Variants in GULP1 observed in about 807,000 individuals in gnomAD.
The protein encoded by GULP1 is GULP PTB domain containing engulfment adaptor 1, also known as PTB domain-containing engulfment adapter protein 1.
In GULP1, 19 loss-of-function variants were observed where a neutral mutation model predicts 40.9. That is an observed-to-expected ratio of 0.46 (90% CI 0.32 to 0.68). The LOEUF (loss-of-function observed/expected upper bound fraction) is 0.68, where lower values mean the gene tolerates loss of function less well. GULP1 is among the 30% of genes least tolerant of loss of function. GULP1 has a pLI of 0.03. For missense variants in GULP1, 312 were observed against 362.2 expected (o/e 0.86, Z 1.12); for synonymous variants, 119 against 117.6 (o/e 1.01, Z -0.08).
In GULP1 at chr2:188,593,999, C is replaced by T. The variant is rs1310124262; in HGVS notation, c.903C>T (p.Asp301=). The part of the protein sequence containing the change: ...EGTVFCLDPL[D]SRC ...CAGTATTTTGTCTCGACCCGTTAGA[C>T]AGTAGGTGCTGACATCAAGAACAAG... Residue 301 remains aspartate, a synonymous_variant, in exon 12 of 12, where the codon GAC becomes GAT. Coordinates refer to ENST00000409830, the MANE Select transcript of GULP1 (RefSeq NM_016315.4). The T allele has an allele frequency of 1.3e-6, 2 of 1,584,308 alleles. No individual in the cohort carries two copies. Among genetic ancestry groups the T allele is most frequent in the Admixed American group, 1.7e-5 (1 of 59,798 alleles).
chr2:188,466,147 A>G (rs1246359454), intron 2 of GULP1, among the ~76,000 whole-genome samples: 1 of 151,956 alleles, frequency 6.6e-6, no homozygotes, highest in African/African-American at 2.4e-5. Context: ...ATGTTCTGCA[A>G]CTCATGGCCA....
intron 2 of GULP1, among the ~76,000 whole-genome samples, chr2:188,449,081 A>T (rs1262995384): frequency 2.0e-5 from 3 of 152,184 alleles, no homozygotes; most frequent in Non-Finnish European, 4.4e-5. Flanking sequence ...AAACACAGAA[A>T]ATATGTGAAA....
At chr2:188,311,225 C>T (rs2038041585) in intron 1 of GULP1, among the ~76,000 whole-genome samples, 3 of 151,512 alleles carry the variant, frequency 2.0e-5, no homozygotes, top group African/African-American at 7.3e-5. Flanking sequence ...GAGTCGGAGT[C>T]TCGCTCTGTT....
At chr2:188,569,439 C>A in intron 8 of GULP1, 84 bp downstream of exon 8, 1 of 799,270 alleles carries the variant, frequency 1.3e-6, no homozygotes. Flanking sequence ...TTTAGAAGCC[C>A]TGCCATTAAA....
At chr2:188,547,788 G>C (rs1298474992) in intron 7 of GULP1, among the ~76,000 whole-genome samples, 1 of 152,006 alleles carries the variant, frequency 6.6e-6, no homozygotes, top group African/African-American at 2.4e-5. Flanking sequence ...TATATGCAAA[G>C]GTTAAGAGTA....
chr2:188,485,761 C>G (rs753162389), intron 4 of GULP1, among the ~76,000 whole-genome samples: 2 of 151,982 alleles, frequency 1.3e-5, no homozygotes, highest in Non-Finnish European at 2.9e-5. Context: ...TAATTTCTCA[C>G]TTGAGTTGTT....
At chr2:188,298,391 A>C (rs6434276) in intron 1 of GULP1, among the ~76,000 whole-genome samples, 114,154 of 151,388 alleles carry the variant, frequency 0.75, 43,434 homozygotes, top group East Asian at 0.95. Context: ...GGATTGTAGT[A>C]TCTCAGAATA....
At chr2:188,432,177 G>T (rs1040124188) in intron 2 of GULP1, among the ~76,000 whole-genome samples, 1 of 151,464 alleles carries the variant, frequency 6.6e-6, no homozygotes, top group Non-Finnish European at 1.5e-5. Context: ...ATCTTCGTAT[G>T]TATTTTTTAA....
intron 1 of GULP1, among the ~76,000 whole-genome samples, chr2:188,301,314 T>C (rs1439214512): frequency 6.6e-6 from 1 of 152,222 alleles, no homozygotes; most frequent in African/African-American, 2.4e-5. Context: ...GTGAGCACTG[T>C]ACTTGGCTCC....
At chr2:188,496,724 C>T (rs80345060) in intron 4 of GULP1, among the ~76,000 whole-genome samples, 12,373 of 151,854 alleles carry the variant, frequency 0.081, 630 homozygotes, top group Non-Finnish European at 0.11. Flanking sequence ...GTCCCTACCC[C>T]AATCTCATGT....
chr2:188,396,472 T>G (rs1376750122), intron 2 of GULP1, among the ~76,000 whole-genome samples: 1 of 152,224 alleles, frequency 6.6e-6, no homozygotes, highest in Non-Finnish European at 1.5e-5. Flanking sequence ...TATGTTCCAC[T>G]CAGCTCCCCA....
rs1219505498 is a variant in GULP1, at chr2:188,564,434, GTGTC to G, written c.400-4799_400-4796del. 5.9e-5 allele frequency among the ~76,000 whole-genome samples: 9 copies of G among 151,882 alleles called. No homozygotes were observed. The East Asian group carries it at 1.7e-3, about 29-fold the overall frequency. On this transcript the variant is annotated intron_variant, in intron 7 of 11. Coordinates refer to ENST00000409830, the MANE Select transcript of GULP1 (RefSeq NM_016315.4). Reference sequence around the variant, plus strand: ...ACAAATCAATGTACAAAATTAAATTGTGTCTGTCTACTAGCAAAAAGAAAGAAAG... The same window carrying G: ...ACAAATCAATGTACAAAATTAAATTGTGTCTACTAGCAAAAAGAAAGAAAG...
chr2:188,472,204 T>C (rs1392503550), intron 2 of GULP1, among the ~76,000 whole-genome samples: 1 of 152,166 alleles, frequency 6.6e-6, no homozygotes, highest in East Asian at 1.9e-4. Flanking sequence ...GCATCTTTTC[T>C]TTATCCTTGA....
intron 1 of GULP1, among the ~76,000 whole-genome samples, chr2:188,365,118 A>C (rs1320504130): frequency 2.0e-5 from 3 of 152,162 alleles, no homozygotes; most frequent in African/African-American, 7.2e-5. Flanking sequence ...TATTAGAAAT[A>C]GTGTTTCCCT....
chr2:188,541,571 C>T (rs1690498189), intron 7 of GULP1: 1 of 583,036 alleles, frequency 1.7e-6, no homozygotes, highest in South Asian at 2.3e-5. Context: ...GAATGCCATG[C>T]CTGCTTATGT....
At chr2:188,342,183 C>T (rs1036119645) in intron 1 of GULP1, among the ~76,000 whole-genome samples, 1 of 152,158 alleles carries the variant, frequency 6.6e-6, no homozygotes, top group African/African-American at 2.4e-5. Context: ...CATTTATTCT[C>T]TCACAGTTCT....
At chr2:188,360,797 A>C (rs1221766888) in intron 1 of GULP1, among the ~76,000 whole-genome samples, 4 of 152,096 alleles carry the variant, frequency 2.6e-5, no homozygotes, top group Non-Finnish European at 4.4e-5. Flanking sequence ...GCCTTTTAGA[A>C]ATTTTATTGT....
chr2:188,578,732 G>A (rs549917312), intron 9 of GULP1, among the ~76,000 whole-genome samples: 4 of 152,116 alleles, frequency 2.6e-5, no homozygotes, highest in African/African-American at 7.2e-5. Context: ...CTGGAACTAC[G>A]AACATAAAGC....
At chr2:188,451,946 C>T (rs926396387) in intron 2 of GULP1, among the ~76,000 whole-genome samples, 12 of 152,100 alleles carry the variant, frequency 7.9e-5, no homozygotes, top group Non-Finnish European at 1.5e-4. Flanking sequence ...TTAAATAGGA[C>T]ATTTCTCCAG....
Sources: gnomAD v4.1 joint callset for allele counts (sites outside exome capture counted in the v4.1 genomes callset) on GRCh38, gnomAD v4.1.1 for gene constraint, MANE v1.5 for transcripts, NCBI Gene and HGNC (gene_info 2026-07-23, HGNC 2026-07-21) for gene names.